DUSP4: variants seen among roughly 807,000 people sequenced by gnomAD.
The protein encoded by DUSP4 is dual specificity protein phosphatase 4.
DUSP4 carries 12 observed loss-of-function variants against 27.2 expected under a neutral mutation model. The observed-to-expected ratio is 0.44, with a 90% CI of 0.28 to 0.71. DUSP4 has a LOEUF of 0.71. Among genes scored for constraint, DUSP4 ranks in the 30% least tolerant of loss-of-function variants. DUSP4 has a pLI of 0.14. For synonymous variants in DUSP4, 257 were observed against 245.2 expected, an observed-to-expected ratio of 1.05 and a Z score of -0.45; for missense variants, 448 against 551.3, an observed-to-expected ratio of 0.81 and a Z score of 1.88.
At chr8:29,339,883 GCCACCTGTAGTC>G (rs1563860787) in intron 2 of DUSP4, among the ~76,000 whole-genome samples, 1 of 147,908 alleles carries the variant, frequency 6.8e-6, no homozygotes, top group East Asian at 2.0e-4. Flanking sequence ...GCATGGTAGT[GCCACCTGTAGTC>G]CCAGCTACCA....
rs763355785 is a variant in DUSP4 at position 29,350,159 on chromosome 8, C to G, written c.120G>C (p.Pro40=). 3.1e-6 allele frequency: 5 copies of G among 1,609,746 alleles called. No homozygotes were observed. The East Asian group carries it at 1.1e-4, about 36-fold the overall frequency. ...GSGSHGTLGL[P]SGGKCLLLDC... ...CCAGCAGCAGGCACTTGCCGCCGCTCGGCAGCCCCAGGGTGCCGTGGCTGC... is the reference window on the plus strand; with the variant it reads ...CCAGCAGCAGGCACTTGCCGCCGCTGGGCAGCCCCAGGGTGCCGTGGCTGC... Residue 40 remains proline, a synonymous_variant, in exon 1 of 4, where the codon CCG becomes CCC. Transcript: ENST00000240100.
intron 1 of DUSP4, 128 bp downstream of exon 1, chr8:29,349,718 A>G: frequency 2.3e-6 from 3 of 1,323,504 alleles, no homozygotes; most frequent in Non-Finnish European, 3.0e-6. Flanking sequence ...AACACACACA[A>G]AGGGGCGCGC....
Position 29,347,823 on chromosome 8 carries a change from G to C in DUSP4, c.433+2023C>G, listed in dbSNP as rs544087865. On this transcript the variant is annotated intron_variant, in intron 1 of 3. Transcript: ENST00000240100. ...CCTGTACTACCCAGTCACTAGCCTC[G>C]CCCAGAATCTCCAGGGCTCTCGAAT... is the stretch of plus-strand genomic sequence containing the variant. 5.1e-6 allele frequency: 5 copies of C among 985,602 alleles called. No individual in the cohort carries two copies. In the African/African-American group the frequency reaches 7.0e-5, roughly 14 times the overall value. 61.1% of individuals were successfully genotyped at this position (985,602 alleles called of 1,614,324 possible).
At chr8:29,347,718 G>A (rs1301809924) in intron 1 of DUSP4, 17 of 982,714 alleles carry the variant, frequency 1.7e-5, no homozygotes, top group African/African-American at 3.5e-5. Context: ...GGCTCCAGGA[G>A]GAAACAGCCC....
chr8:29,348,609 C>T (rs1455915), intron 1 of DUSP4: 145,639 of 985,334 alleles, frequency 0.15, 13,065 homozygotes, highest in African/African-American at 0.4. Context: ...CCGGCAGGGG[C>T]GAACCCGGCT....
rs756624811 is a variant in DUSP4 at position 29,345,507 on chromosome 8, T to C, written c.433+4339A>G. The stretch of plus-strand genomic sequence containing the variant: ...GCTATGTTCAGCAAACTGGCTTCCG[T>C]TGGAGTGAACTTTTCTTCCCATCGT... On this transcript the variant is annotated intron_variant, in intron 1 of 3. Coordinates refer to ENST00000240100, the MANE Select transcript of DUSP4 (RefSeq NM_001394.7). 10 of 1,586,548 alleles carry C rather than the reference T, an allele frequency of 6.3e-6. No individual in the cohort carries two copies. The Admixed American group carries it at 1.1e-4, about 18-fold the overall frequency.
At chr8:29,347,996 C>G (rs1817760374) in intron 1 of DUSP4, 1 of 985,536 alleles carries the variant, frequency 1.0e-6, no homozygotes, top group African/African-American at 1.7e-5. Context: ...GCTGCACCCC[C>G]GGAAGCCCAA....
Position 29,336,740 on chromosome 8 carries a change from GA to G in DUSP4, c.*285del. 1 of 366,080 alleles carries G rather than the reference GA, an allele frequency of 2.7e-6. No homozygotes were observed. The highest frequency in any genetic ancestry group is 4.9e-6 in the Non-Finnish European group (1 of 205,500). The allele number at this position is 366,080 out of a possible 1,614,324, so 22.7% of individuals were successfully genotyped here. On this transcript the variant is annotated 3_prime_UTR_variant, in exon 4 of 4. Coordinates refer to ENST00000240100, the MANE Select transcript of DUSP4 (RefSeq NM_001394.7). ...CTTACTGCTTAAAAAAATGAGGTAA[GA>G]AATTTCTATCGGAAAAGTGAAACTG...
In DUSP4 at chr8:29,338,372, C is replaced by T. The variant is rs753038586; in HGVS notation, c.709G>A (p.Glu237Lys). 5.6e-6 allele frequency: 9 copies of T among 1,614,146 alleles called. No individual in the cohort carries two copies. The Admixed American group carries it at 1.5e-4, about 27-fold the overall frequency. ...ATGCACTTGTACTGATAGTGTCCTTCAAAGTGGTTTGGGCAGTCCGAGGAG... is the reference window on the plus strand; with the variant it reads ...ATGCACTTGTACTGATAGTGTCCTTTAAAGTGGTTTGGGCAGTCCGAGGAG... ...NVSSDCPNHF[E>K]GHYQYKCIPV... Residue 237 changes from glutamate to lysine, a missense_variant, in exon 3 of 4, where the codon GAA (glutamate) becomes AAA (lysine). Glu to Lys is a moderately conservative substitution (Grantham distance 56). Around this residue, in one of 3 missense-constraint regions of DUSP4, gnomAD observed 345 missense variants for 394.0 expected, o/e 0.88. Coordinates refer to ENST00000240100, the MANE Select transcript of DUSP4 (RefSeq NM_001394.7).
chr8:29,348,890 G>A lies in DUSP4; in HGVS notation c.433+956C>T, dbSNP rs1026840129. On this transcript the variant is annotated intron_variant, in intron 1 of 3. Transcript: ENST00000240100. The stretch of plus-strand genomic sequence containing the variant: ...GGGAGGCGGAGGCGCAGCGCGGCGG[G>A]GGGCGCCCGGACCCCACGCGCCCTG... 1.4e-4 allele frequency: 92 copies of A among 644,422 alleles called. No homozygotes were observed. The Middle Eastern group carries it at 2.3e-3, about 16-fold the overall frequency. The allele number at this position is 644,422 out of a possible 1,614,324, so 39.9% of individuals were successfully genotyped here.
intron 1 of DUSP4, among the ~76,000 whole-genome samples, chr8:29,349,054 G>T (rs761880684): frequency 6.6e-6 from 1 of 152,360 alleles, no homozygotes; most frequent in African/African-American, 2.4e-5. Context: ...TCTCGCCGCC[G>T]AGAGTTTCGC....
intron 1 of DUSP4, chr8:29,348,764 G>A: frequency 1.0e-6 from 1 of 985,524 alleles, no homozygotes; most frequent in Non-Finnish European, 1.2e-6. Context: ...CCTGCGGGGG[G>A]GAGGAGCGGC....
At chr8:29,341,377 G>A (rs764066810) in intron 1 of DUSP4, among the ~76,000 whole-genome samples, 6 of 152,184 alleles carry the variant, frequency 3.9e-5, no homozygotes, top group Admixed American at 6.5e-5. Context: ...GACATGTGAC[G>A]GTGAGTCAGT....
At chr8:29,347,253 G>C (rs945978066) in intron 1 of DUSP4, among the ~76,000 whole-genome samples, 22 of 152,176 alleles carry the variant, frequency 1.4e-4, no homozygotes, top group Non-Finnish European at 3.2e-4. Context: ...TGTATCTGGA[G>C]ACCTGGGAGA....
chr8:29,348,517 A>G (rs1439375719), intron 1 of DUSP4: 3 of 985,428 alleles, frequency 3.0e-6, no homozygotes, highest in African/African-American at 1.7e-5. Context: ...CAGTTCAACC[A>G]AAGGTCAACA....
At chr8:29,339,821 T>C (rs1291385077) in intron 2 of DUSP4, among the ~76,000 whole-genome samples, 1 of 136,672 alleles carries the variant, frequency 7.3e-6, no homozygotes, top group Non-Finnish European at 1.6e-5. Context: ...CTGGGCAACA[T>C]AGCAAGACCC....
rs1215203544 is a variant in DUSP4 at position 29,335,963 on chromosome 8, C to T, written c.*1063G>A. ...CCATGAACCAGCTTCAAAAGCAATT[C>T]ACATTGGTCATGATGACACACACCT... On this transcript the variant is annotated 3_prime_UTR_variant, in exon 4 of 4. Coordinates refer to ENST00000240100, the MANE Select transcript of DUSP4 (RefSeq NM_001394.7). The T allele has an allele frequency of 6.6e-6, 1 of 152,210 alleles. No individual in the cohort carries two copies. The highest frequency in any genetic ancestry group is 1.5e-5 in the Non-Finnish European group (1 of 68,034). 9.4% of individuals were successfully genotyped at this position (152,210 alleles called of 1,614,324 possible).
chr8:29,342,905 C>T (rs62505690), intron 1 of DUSP4, among the ~76,000 whole-genome samples: 4 of 152,184 alleles, frequency 2.6e-5, no homozygotes, highest in East Asian at 1.9e-4. Flanking sequence ...CGGTGGCTCA[C>T]GCCTGTAATC....
At chr8:29,339,530 C>G (rs576462622) in intron 2 of DUSP4, among the ~76,000 whole-genome samples, 26 of 152,026 alleles carry the variant, frequency 1.7e-4, no homozygotes, top group Non-Finnish European at 2.9e-4. Flanking sequence ...CTCACTTGTC[C>G]GGACACGACG....
Sources: gnomAD v4.1 joint callset for allele counts (sites outside exome capture counted in the v4.1 genomes callset) on GRCh38, gnomAD v4.1.1 for gene constraint, gnomAD v4.1.1 regional missense constraint, MANE v1.5 for transcripts, NCBI Gene and HGNC (gene_info 2026-07-23, HGNC 2026-07-21) for gene names.